Variants in CFAP46 observed in about 807,000 individuals in gnomAD.
The protein encoded by CFAP46 is cilia and flagella associated protein 46.
Under a neutral mutation model 325.7 loss-of-function variants are expected in CFAP46, and 245 were observed. The observed-to-expected ratio is 0.75, with a 90% CI of 0.68 to 0.84. The LOEUF (loss-of-function observed/expected upper bound fraction) is 0.84, where lower values mean the gene tolerates loss of function less well. Among genes scored for constraint, CFAP46 ranks in the 40% least tolerant of loss-of-function variants. The probability of loss-of-function intolerance (pLI) is 0.00; values close to 1 mark genes in which losing one functional copy is unlikely to be tolerated. For synonymous variants in CFAP46, 1,523 were observed against 1,495.9 expected (o/e 1.02, Z -0.42); for missense variants, 3,346 against 3,543.0 (o/e 0.94, Z 1.41).
intron 9 of CFAP46, among the ~76,000 whole-genome samples, chr10:132,928,340 C>T (rs2135666758): frequency 6.6e-6 from 1 of 152,224 alleles, no homozygotes; most frequent in Admixed American, 6.5e-5. Context: ...GGAAATGGGG[C>T]CCACAGAAGC....
chr10:132,844,453 C>T (rs1353435869), intron 44 of CFAP46, among the ~76,000 whole-genome samples: 2 of 152,186 alleles, frequency 1.3e-5, no homozygotes, highest in Admixed American at 1.3e-4. Flanking sequence ...GAGGCTCTGC[C>T]ATTCGCCAGC....
At position 132,860,869 on chromosome 10, in the gene CFAP46, C is replaced by T. The variant is rs555484538; in HGVS notation, c.5004G>A (p.Leu1668=). Residue 1668 remains leucine (L), a synonymous_variant, in exon 36 of 58, where the codon CTG becomes CTA. Transcript: ENST00000368586. ...TGTACCAGAACTCCTCACTTCCGCC[C>T]AGGTGCTGGGCCTGTGCGATCATTT... is the stretch of plus-strand genomic sequence containing the variant. The part of the protein sequence containing the change: ...AKKMIAQAQH[L]GGSEEFWYNS... 6.4e-7 allele frequency: 1 copy of T among 1,550,992 alleles called. No homozygotes were observed. The highest frequency in any genetic ancestry group is 1.4e-5 in the African/African-American group (1 of 73,176).
chr10:132,904,398 C>T lies in CFAP46; in HGVS notation c.2924+4070G>A, dbSNP rs1849428551. On this transcript the variant is annotated intron_variant, in intron 22 of 57. Coordinates refer to ENST00000368586, the MANE Select transcript of CFAP46 (RefSeq NM_001200049.3). ...CACTGCGCCCAGGGCAGAGGGGCTC[C>T]CGCTGGGACGCAATGACACCAAGGG... Among the ~76,000 whole-genome samples, 3 of 80,376 alleles carry T rather than the reference C, an allele frequency of 3.7e-5. No individual in the cohort carries two copies. The South Asian group carries it at 9.8e-4, about 26-fold the overall frequency. 52.7% of individuals were successfully genotyped at this position (80,376 alleles called of 152,430 possible).
In CFAP46 at chr10:132,873,798, G is replaced by A. The variant is rs920854258; in HGVS notation, c.4363-974C>T. ...AGTGAGGCTGATCGGGAGAGCGAGCGAGGGGTGACAGGGCTCTACAGGTCC... is the reference window on the plus strand; with the variant it reads ...AGTGAGGCTGATCGGGAGAGCGAGCAAGGGGTGACAGGGCTCTACAGGTCC... On this transcript the variant is annotated intron_variant, in intron 31 of 57. Transcript: ENST00000368586. Among the ~76,000 whole-genome samples, 9 of 152,208 alleles carry A rather than the reference G, an allele frequency of 5.9e-5. No homozygotes were observed. In the East Asian group the frequency reaches 1.2e-3, roughly 20 times the overall value.
At chr10:132,905,578 A>G (rs963987939) in intron 22 of CFAP46, among the ~76,000 whole-genome samples, 3 of 151,666 alleles carry the variant, frequency 2.0e-5, no homozygotes, top group South Asian at 2.1e-4. Flanking sequence ...TTTTGACCTG[A>G]TATGTGACTG....
At chr10:132,874,109 C>A (rs972251179) in intron 31 of CFAP46, among the ~76,000 whole-genome samples, 3 of 152,170 alleles carry the variant, frequency 2.0e-5, no homozygotes, top group Admixed American at 2.0e-4. Context: ...TAAGAATGGT[C>A]AGAAAGGAAC....
At chr10:132,868,983 C>A (rs540595358) in intron 33 of CFAP46, among the ~76,000 whole-genome samples, 2 of 152,344 alleles carry the variant, frequency 1.3e-5, no homozygotes, top group East Asian at 3.9e-4. Context: ...CAGCACCCAG[C>A]GCCCAAGGGT....
rs1848710573 is a variant in CFAP46 at position 132,860,772 on chromosome 10, T to A, written c.5091+10A>T. On this transcript the variant is annotated intron_variant, in intron 36 of 57. Coordinates refer to ENST00000368586, the MANE Select transcript of CFAP46 (RefSeq NM_001200049.3). ...CCCGACATGCAGCCCCAGGTCCCCG[T>A]GCCTCTTACCGTAGCTTCCCTTCCT... 6.5e-7 allele frequency: 1 copy of A among 1,550,128 alleles called. No homozygotes were observed.
In CFAP46 at chr10:132,920,174, C is replaced by T. The variant is rs996732266; in HGVS notation, c.1615G>A (p.Gly539Arg). The T allele has an allele frequency of 1.2e-5, 19 of 1,538,424 alleles. No homozygotes were observed. The highest frequency in any genetic ancestry group is 9.9e-5 in the East Asian group (4 of 40,316). ...DSENEAKVST[G>R]KNRGRFTYLC... Reference sequence around the variant, plus strand: ...TAGGTGAACCGGCCCCTGTTCTTCCCGGTGGAGACTGAGGGCGGAAATGCA... The same window carrying T: ...TAGGTGAACCGGCCCCTGTTCTTCCTGGTGGAGACTGAGGGCGGAAATGCA... The change falls in exon 14 of 58, where the codon GGG (glycine) becomes AGG (arginine). Residue 539 changes from glycine to arginine, a missense_variant. Transcript: ENST00000368586.
intron 24 of CFAP46, among the ~76,000 whole-genome samples, chr10:132,894,027 T>C (rs917570459): frequency 1.3e-5 from 2 of 150,630 alleles, no homozygotes; most frequent in Admixed American, 1.3e-4. Context: ...GGTTTGCCAC[T>C]GGTAACACAC....
At chr10:132,810,830 C>A (rs1465538270) in intron 56 of CFAP46, 120 bp downstream of exon 56, 6 of 913,510 alleles carry the variant, frequency 6.6e-6, no homozygotes, top group African/African-American at 1.6e-5. Context: ...TGCACCCTGA[C>A]AGCTCTCACC....
Position 132,828,405 on chromosome 10 carries a change from G to A in CFAP46, c.7117+4953C>T, listed in dbSNP as rs1461265955. On this transcript the variant is annotated intron_variant, in intron 50 of 57. Coordinates refer to ENST00000368586, the MANE Select transcript of CFAP46 (RefSeq NM_001200049.3). The surrounding 1 kb of genome is among the most constrained non-coding windows in gnomAD (Gnocchi z 4.9). ...TTTCACCCATTCTAACAGGTGTGCA[G>A]GGGTATTCCATTGTGGTTTCCATTT... Among the ~76,000 whole-genome samples, 2 of 151,952 alleles carry A rather than the reference G, an allele frequency of 1.3e-5. No individual in the cohort carries two copies. Among genetic ancestry groups the A allele is most frequent in the Non-Finnish European group, 2.9e-5 (2 of 68,042 alleles).
At chr10:132,836,094 GCTCCGCCTGCCCTGCTCCCC>G in intron 46 of CFAP46, 28 bp downstream of exon 46, 1 of 1,363,492 alleles carries the variant, frequency 7.3e-7, no homozygotes, top group Non-Finnish European at 9.8e-7. Flanking sequence ...TCTCGCCCAT[GCTCCGCCTGCCCTGCTCCCC>G]CTCCCCCTCC....
At position 132,886,789 on chromosome 10, in the gene CFAP46, C is replaced by T. The variant is rs1393140668; in HGVS notation, c.3305-830G>A. 2.0e-5 allele frequency among the ~76,000 whole-genome samples: 3 copies of T among 152,172 alleles called. No homozygotes were observed. The highest frequency in any genetic ancestry group is 4.4e-5 in the Non-Finnish European group (3 of 68,024). On this transcript the variant is annotated intron_variant, in intron 25 of 57. Coordinates refer to ENST00000368586, the MANE Select transcript of CFAP46 (RefSeq NM_001200049.3). This position sits in a 1 kb window ranked among gnomAD's most constrained non-coding sequence, Gnocchi z 5.8. Reference sequence around the variant, plus strand: ...CATCAAACCAAGGCCATGGAGGCCCCACCTCGGGAAGGGGTGCTGAGTGGC... The same window carrying T: ...CATCAAACCAAGGCCATGGAGGCCCTACCTCGGGAAGGGGTGCTGAGTGGC...
At chr10:132,837,420 C>T (rs1289555781) in intron 44 of CFAP46, among the ~76,000 whole-genome samples, 1 of 151,916 alleles carries the variant, frequency 6.6e-6, no homozygotes, top group African/African-American at 2.4e-5. Context: ...CAGACATGCA[C>T]GGACACAGAC....
chr10:132,854,293 C>CT (rs1414002231), intron 39 of CFAP46, among the ~76,000 whole-genome samples: 1 of 152,104 alleles, frequency 6.6e-6, no homozygotes, highest in African/African-American at 2.4e-5. Context: ...TTTTTCAAAT[C>CT]TTTGGCATTT....
chr10:132,850,147 G>C, intron 41 of CFAP46, 97 bp downstream of exon 41: 2 of 1,223,708 alleles, frequency 1.6e-6, no homozygotes, highest in East Asian at 2.6e-5. Context: ...TGGGGCCACT[G>C]CTGCAATCAC....
At chr10:132,901,437 T>G (rs1004065720) in intron 22 of CFAP46, among the ~76,000 whole-genome samples, 1 of 152,234 alleles carries the variant, frequency 6.6e-6, no homozygotes, top group Non-Finnish European at 1.5e-5. Context: ...TCTCTTTGCT[T>G]TATTCCATTT....
rs775711605 is a variant in CFAP46, at chr10:132,877,524, C to G, written c.4212+357G>C. On this transcript the variant is annotated intron_variant, in intron 30 of 57. Transcript: ENST00000368586. The surrounding 1 kb of genome is among the most constrained non-coding windows in gnomAD (Gnocchi z 5.7). ...GCCATGGCCTCTGAGCCTGGCAGAC[C>G]TGGGACAACGTGCTCTGTGCAAACT... is the stretch of plus-strand genomic sequence containing the variant. Among the ~76,000 whole-genome samples, 12 of 152,248 alleles carry G rather than the reference C, an allele frequency of 7.9e-5. No individual in the cohort carries two copies. The highest frequency in any genetic ancestry group is 1.5e-4 in the Non-Finnish European group (10 of 68,038).
Sources: allele counts gnomAD v4.1 joint callset (sites outside exome capture counted in the v4.1 genomes callset), GRCh38; gene constraint gnomAD v4.1.1; non-coding constraint Gnocchi (gnomAD v3.1); transcripts MANE v1.5; gene names NCBI Gene and HGNC (gene_info 2026-07-23, HGNC 2026-07-21).